Variants in COL22A1 observed in about 807,000 individuals in gnomAD.
COL22A1 encodes collagen alpha-1(XXII) chain.
Under a neutral mutation model 248.9 loss-of-function variants are expected in COL22A1, and 221 were observed. The observed-to-expected ratio is 0.89, with a 90% confidence interval of 0.80 to 0.99. COL22A1 has a LOEUF of 0.99. COL22A1 is among the 50% of genes least tolerant of loss of function. The pLI, the probability that COL22A1 is intolerant of heterozygous loss-of-function variation, is 0.00. For missense variants in COL22A1, 2,240 were observed against 2,179.0 expected (o/e 1.03, Z -0.56); for synonymous variants, 891 against 793.4 (o/e 1.12, Z -2.07).
rs184629512 is a variant in COL22A1 at position 138,719,438 on chromosome 8, G to T, written c.2355+1301C>A. 3.2e-3 allele frequency among the ~76,000 whole-genome samples: 493 copies of T among 152,336 alleles called. 1 individual carries two copies. The highest frequency in any genetic ancestry group is 0.011 in the African/African-American group (467 of 41,574). Reference sequence around the variant, plus strand: ...GGGGCCATGAGGGCTGAGTTCCTCGGATCTGGAATCCAGGAAGTGGGAGGC... The same window carrying T: ...GGGGCCATGAGGGCTGAGTTCCTCGTATCTGGAATCCAGGAAGTGGGAGGC... On this transcript the variant is annotated intron_variant, in intron 27 of 64. Coordinates refer to ENST00000303045, the MANE Select transcript of COL22A1 (RefSeq NM_152888.3).
chr8:138,699,409 G>A (rs547426891), intron 32 of COL22A1, among the ~76,000 whole-genome samples: 3 of 152,278 alleles, frequency 2.0e-5, no homozygotes, highest in South Asian at 4.1e-4. Flanking sequence ...CAGCTGTCCC[G>A]CAGGTCAAGC....
At chr8:138,860,428 C>T (rs1221026627) in intron 3 of COL22A1, among the ~76,000 whole-genome samples, 1 of 152,176 alleles carries the variant, frequency 6.6e-6, no homozygotes, top group Non-Finnish European at 1.5e-5. Flanking sequence ...GCATCTTGTC[C>T]TCTCATCTTG....
At chr8:138,595,090 C>T (rs1354204432) in intron 62 of COL22A1, among the ~76,000 whole-genome samples, 4 of 152,014 alleles carry the variant, frequency 2.6e-5, no homozygotes, top group African/African-American at 4.8e-5. Flanking sequence ...GACAGTGTGA[C>T]CAAAACCAGA....
At chr8:138,646,797 C>A (rs1822241901) in intron 46 of COL22A1, 115 bp from the exon 47 acceptor site, 7 of 703,738 alleles carry the variant, frequency 9.9e-6, no homozygotes, top group African/African-American at 1.8e-5. Flanking sequence ...TCCACTGGGA[C>A]TTCCGTCAGC....
At chr8:138,595,147 G>A (rs11991611) in intron 62 of COL22A1, among the ~76,000 whole-genome samples, 15,872 of 152,154 alleles carry the variant, frequency 0.1, 1,125 homozygotes, top group African/African-American at 0.21. Context: ...GGGGAAACCA[G>A]GGTAGAGTCA....
intron 12 of COL22A1, 108 bp downstream of exon 12, chr8:138,796,711 C>T: frequency 1.2e-6 from 1 of 813,250 alleles, no homozygotes; most frequent in Non-Finnish European, 2.2e-6. Context: ...ACCTCTTTTC[C>T]CCCACTCGAA....
At chr8:138,590,637 G>A (rs931293722) in intron 64 of COL22A1, among the ~76,000 whole-genome samples, 36 of 152,088 alleles carry the variant, frequency 2.4e-4, no homozygotes, top group African/African-American at 4.8e-4. Context: ...TACTAAAATC[G>A]AAATTCTCTA....
intron 41 of COL22A1, among the ~76,000 whole-genome samples, chr8:138,676,005 C>T (rs1225345179): frequency 6.6e-6 from 1 of 152,170 alleles, no homozygotes; most frequent in Non-Finnish European, 1.5e-5. Context: ...CGGGAACACA[C>T]TTCATTGATT....
intron 1 of COL22A1, among the ~76,000 whole-genome samples, chr8:138,889,814 C>T (rs1824922208): frequency 6.6e-6 from 1 of 152,120 alleles, no homozygotes; most frequent in Non-Finnish European, 1.5e-5. Context: ...TCAGTATTTT[C>T]CCAGGCTCTA....
chr8:138,672,709 G>A (rs141791404), intron 41 of COL22A1, among the ~76,000 whole-genome samples: 1 of 152,304 alleles, frequency 6.6e-6, no homozygotes, highest in Non-Finnish European at 1.5e-5. Flanking sequence ...TGACATCACT[G>A]GGGCAAAGGC....
At chr8:138,596,105 T>C (rs1400673636) in intron 62 of COL22A1, among the ~76,000 whole-genome samples, 1 of 152,224 alleles carries the variant, frequency 6.6e-6, no homozygotes, top group Admixed American at 6.5e-5. Context: ...TGGAGGCTGC[T>C]TTGGGTTAAC....
At chr8:138,883,489 A>G (rs1824405280) in intron 1 of COL22A1, among the ~76,000 whole-genome samples, 1 of 152,174 alleles carries the variant, frequency 6.6e-6, no homozygotes, top group Non-Finnish European at 1.5e-5. Context: ...AGAAGGGAGT[A>G]GGAGAGGGCC....
At chr8:138,833,231 A>C in intron 4 of COL22A1, 81 bp from the exon 5 acceptor site, 1 of 938,992 alleles carries the variant, frequency 1.1e-6, no homozygotes, top group Non-Finnish European at 1.7e-6. Context: ...CGCTGTCTGC[A>C]AAGGCAGCCT....
At chr8:138,746,253 G>GT (rs1286494891) in intron 22 of COL22A1, among the ~76,000 whole-genome samples, 2 of 152,208 alleles carry the variant, frequency 1.3e-5, no homozygotes, top group Non-Finnish European at 2.9e-5. Context: ...CCAGCCTGCT[G>GT]TCAGCCGTCA....
chr8:138,787,415 T>A, intron 12 of COL22A1, among the ~76,000 whole-genome samples: 1 of 152,178 alleles, frequency 6.6e-6, no homozygotes, highest in Non-Finnish European at 1.5e-5. Context: ...ATTCCCCTCC[T>A]GTGTCTCAGC....
chr8:138,857,103 C>A (rs1822092047), intron 3 of COL22A1, among the ~76,000 whole-genome samples: 1 of 152,032 alleles, frequency 6.6e-6, no homozygotes. Flanking sequence ...CTCCTCCAGG[C>A]TGGATCCGCC....
intron 41 of COL22A1, among the ~76,000 whole-genome samples, chr8:138,666,341 C>A (rs1471916643): frequency 1.3e-5 from 2 of 152,162 alleles, no homozygotes; most frequent in Admixed American, 6.5e-5. Flanking sequence ...GTCTATATGC[C>A]AGGAGTGGTC....
At position 138,826,643 on chromosome 8, in the gene COL22A1, A is replaced by C; in HGVS notation, c.969+15T>G. The C allele has an allele frequency of 6.2e-7, 1 of 1,613,424 alleles. No homozygotes were observed. Among genetic ancestry groups the C allele is most frequent in the Non-Finnish European group, 8.5e-7 (1 of 1,179,506 alleles). ...AAGCTCAGGACCACTGAGATAAGGC[A>C]TCTGCTGCCCTTACCTGTGGGATGC... On this transcript the variant is annotated intron_variant, in intron 6 of 64. Transcript: ENST00000303045.
intron 34 of COL22A1, among the ~76,000 whole-genome samples, chr8:138,694,087 A>G (rs1324367669): frequency 1.3e-5 from 2 of 152,158 alleles, no homozygotes; most frequent in African/African-American, 4.8e-5. Flanking sequence ...GACAGAATCA[A>G]AGCACTAACA....
Sources: allele counts gnomAD v4.1 joint callset (sites outside exome capture counted in the v4.1 genomes callset), GRCh38; gene constraint gnomAD v4.1.1; transcripts MANE v1.5; gene names NCBI Gene and HGNC (gene_info 2026-07-23, HGNC 2026-07-21).